The following FAXC variants were observed in gnomAD, a reference collection of about 807,000 sequenced individuals.
FAXC encodes failed axon connections homolog, metaxin like GST domain containing.
In FAXC, 10 loss-of-function variants were observed where a neutral mutation model predicts 41.9. The observed-to-expected ratio is 0.24, with a 90% CI of 0.15 to 0.41. The LOEUF (loss-of-function observed/expected upper bound fraction) is 0.41, where lower values mean the gene tolerates loss of function less well. Among genes scored for constraint, FAXC ranks in the 10% least tolerant of loss-of-function variants. The pLI, the probability that FAXC is intolerant of heterozygous loss-of-function variation, is 1.00. For missense variants in FAXC, 399 were observed against 510.9 expected (o/e 0.78, Z 2.11); for synonymous variants, 183 against 183.8 (o/e 1.00, Z 0.03).
At chr6:99,339,951 G>A (rs1328697441) in intron 2 of FAXC, among the ~76,000 whole-genome samples, 2 of 151,754 alleles carry the variant, frequency 1.3e-5, no homozygotes, top group African/African-American at 4.8e-5. Flanking sequence ...AGAGATGAAA[G>A]ACCTCAGATA....
intron 3 of FAXC, among the ~76,000 whole-genome samples, chr6:99,326,680 T>C (rs917783177): frequency 1.3e-5 from 2 of 152,016 alleles, no homozygotes; most frequent in Non-Finnish European, 1.5e-5. Flanking sequence ...GAGGAAACCA[T>C]AGTTCAAGGG....
At chr6:99,302,067 T>G (rs1327736218) in intron 4 of FAXC, among the ~76,000 whole-genome samples, 1 of 152,228 alleles carries the variant, frequency 6.6e-6, no homozygotes, top group African/African-American at 2.4e-5. Flanking sequence ...CAGGCTGCAA[T>G]GAAGATGCCA....
intron 5 of FAXC, among the ~76,000 whole-genome samples, chr6:99,287,692 G>A (rs1025517769): frequency 6.6e-6 from 1 of 152,110 alleles, no homozygotes; most frequent in African/African-American, 2.4e-5. Flanking sequence ...TACATGCCTG[G>A]GTTTCACCCA....
intron 2 of FAXC, among the ~76,000 whole-genome samples, chr6:99,337,256 G>GA (rs34138056): frequency 2.6e-4 from 38 of 143,866 alleles, no homozygotes; most frequent in African/African-American, 4.9e-4. Context: ...TGCAGCTTAG[G>GA]AAAAAAAAAA....
intron 4 of FAXC, among the ~76,000 whole-genome samples, chr6:99,293,183 C>T (rs886839843): frequency 6.6e-6 from 1 of 152,178 alleles, no homozygotes; most frequent in African/African-American, 2.4e-5. Context: ...AAAATGAAGT[C>T]CAAACTCAAC....
At chr6:99,327,381 T>A (rs1438739046) in intron 3 of FAXC, among the ~76,000 whole-genome samples, 1 of 152,202 alleles carries the variant, frequency 6.6e-6, no homozygotes, top group African/African-American at 2.4e-5. Flanking sequence ...CCTGTTGACA[T>A]GGTTGGAGCC....
intron 3 of FAXC, among the ~76,000 whole-genome samples, chr6:99,329,923 T>C (rs1772971350): frequency 6.6e-6 from 1 of 151,246 alleles, no homozygotes; most frequent in South Asian, 2.1e-4. Context: ...TTTAGAGACA[T>C]GGTCTCACTC....
intron 4 of FAXC, among the ~76,000 whole-genome samples, chr6:99,295,559 A>G (rs1771453720): frequency 6.6e-6 from 1 of 152,202 alleles, no homozygotes; most frequent in South Asian, 2.1e-4. Context: ...AAACTGGGAC[A>G]CTGGTCCCTC....
At chr6:99,306,934 T>C (rs1771945430) in intron 4 of FAXC, among the ~76,000 whole-genome samples, 1 of 152,206 alleles carries the variant, frequency 6.6e-6, no homozygotes, top group African/African-American at 2.4e-5. Flanking sequence ...AAGAGACTAA[T>C]GTCTCATCAA....
intron 4 of FAXC, among the ~76,000 whole-genome samples, chr6:99,311,031 AAG>A (rs1772134497): frequency 1.3e-5 from 2 of 152,244 alleles, no homozygotes; most frequent in Non-Finnish European, 2.9e-5. Flanking sequence ...TCCAAGTAAA[AAG>A]AGAAAAAAAT....
Position 99,272,912 on chromosome 6 carries a change from A to G in FAXC, c.*8252T>C, listed in dbSNP as rs568159216. ...TAAATTGGAAGAAAGACATTCACAG[A>G]AAACTATTTCATATCCATTAGTTAT... is the stretch of plus-strand genomic sequence containing the variant. On this transcript the variant is annotated 3_prime_UTR_variant, in exon 6 of 6. Coordinates refer to ENST00000389677, the MANE Select transcript of FAXC (RefSeq NM_032511.4). 6.6e-5 allele frequency: 10 copies of G among 152,344 alleles called. No individual in the cohort carries two copies. Among genetic ancestry groups the G allele is most frequent in the Non-Finnish European group, 1.0e-4 (7 of 68,024 alleles). 9.4% of individuals were successfully genotyped at this position (152,344 alleles called of 1,614,324 possible).
intron 2 of FAXC, among the ~76,000 whole-genome samples, chr6:99,339,299 A>C (rs1282406461): frequency 1.3e-5 from 2 of 152,146 alleles, no homozygotes; most frequent in African/African-American, 4.8e-5. Flanking sequence ...CATTTGGGGG[A>C]ATGGCAGCAA....
chr6:99,284,324 T>C (rs947089056), intron 5 of FAXC: 3 of 152,288 alleles, frequency 2.0e-5, no homozygotes, highest in Admixed American at 2.0e-4. Context: ...CATTCCAACA[T>C]GTAGTTGAGA....
rs576643150 is a variant in FAXC, at chr6:99,310,384, C to T, written c.823+13060G>A. 3.9e-5 allele frequency among the ~76,000 whole-genome samples: 6 copies of T among 152,304 alleles called. No individual in the cohort carries two copies. In the South Asian group the frequency reaches 1.2e-3, roughly 32 times the overall value. ...TGGGTTACAGACACATTTGAATTAC[C>T]TGGTGAGTTTTAAACTACCTTCCCC... On this transcript the variant is annotated intron_variant, in intron 4 of 5. Transcript: ENST00000389677.
At chr6:99,317,541 G>A (rs1443331355) in intron 4 of FAXC, among the ~76,000 whole-genome samples, 1 of 152,178 alleles carries the variant, frequency 6.6e-6, no homozygotes, top group Non-Finnish European at 1.5e-5. Context: ...AACCAAGGTA[G>A]TAGTCAGGTC....
At chr6:99,315,489 G>C (rs1199219149) in intron 4 of FAXC, among the ~76,000 whole-genome samples, 1 of 152,014 alleles carries the variant, frequency 6.6e-6, no homozygotes, top group Non-Finnish European at 1.5e-5. Context: ...CAACCCTTAA[G>C]CCCCTCACAA....
intron 1 of FAXC, among the ~76,000 whole-genome samples, chr6:99,346,533 C>T (rs1185618237): frequency 1.3e-5 from 2 of 151,718 alleles, no homozygotes; most frequent in African/African-American, 4.8e-5. Flanking sequence ...GGACTACAGG[C>T]GCGTGCCACC....
intron 4 of FAXC, among the ~76,000 whole-genome samples, chr6:99,292,300 T>C (rs1352496182): frequency 6.6e-5 from 10 of 150,992 alleles, no homozygotes; most frequent in South Asian, 4.2e-4. Flanking sequence ...GGAGGTGAGG[T>C]TTCCCATGAC....
At chr6:99,302,878 T>C (rs573188880) in intron 4 of FAXC, among the ~76,000 whole-genome samples, 11 of 151,178 alleles carry the variant, frequency 7.3e-5, no homozygotes, top group Non-Finnish European at 1.6e-4. Flanking sequence ...AAAATACTTC[T>C]GTACAAAAAA....
Sources: allele counts gnomAD v4.1 joint callset (sites outside exome capture counted in the v4.1 genomes callset), GRCh38; gene constraint gnomAD v4.1.1; transcripts MANE v1.5; gene names NCBI Gene and HGNC (gene_info 2026-07-23, HGNC 2026-07-21).